The following PP2D1 variants were observed in gnomAD, a reference collection of about 807,000 sequenced individuals.
PP2D1 encodes protein phosphatase 2C like domain containing 1, also known as protein phosphatase 2C-like domain-containing protein 1.
A neutral mutation model predicts 30.2 loss-of-function variants in PP2D1; 25 were observed. That is an observed-to-expected ratio of 0.83 (90% CI 0.60 to 1.16). The LOEUF (loss-of-function observed/expected upper bound fraction) is 1.16. PP2D1 is among the 50% of genes most tolerant of loss of function. The pLI, the probability that PP2D1 is intolerant of heterozygous loss-of-function variation, is 0.00. For missense variants in PP2D1, 760 were observed against 742.4 expected, an observed-to-expected ratio of 1.02 and a Z score of -0.28; for synonymous variants, 260 against 258.9, an observed-to-expected ratio of 1.00 and a Z score of -0.04.
Position 20,010,092 on chromosome 3 carries a change from A to C in PP2D1, c.23+1958T>G, listed in dbSNP as rs1012428950. 2.6e-5 allele frequency among the ~76,000 whole-genome samples: 4 copies of C among 151,744 alleles called. No homozygotes were observed. The South Asian group carries it at 8.3e-4, about 32-fold the overall frequency. ...TTTCATCTATATCCCCATCCACCTT[A>C]TTTTATGTTATTTTATTTTATTTGA... On this transcript the variant is annotated intron_variant, in intron 1 of 2. Transcript: ENST00000389050.
downstream of PP2D1, chr3:19,985,147 A>G (rs1697008817): frequency 4.7e-6 from 2 of 429,510 alleles, no homozygotes; most frequent in African/African-American, 4.1e-5. Flanking sequence ...TGAGGTGCTC[A>G]GGTTGGAATA....
intron 2 of PP2D1, among the ~76,000 whole-genome samples, chr3:19,995,570 C>T (rs1213348163): frequency 1.3e-5 from 2 of 152,160 alleles, no homozygotes; most frequent in African/African-American, 2.4e-5. Flanking sequence ...TAACTTGTTA[C>T]AGCAGCCTTA....
At chr3:19,983,680 T>C (rs1323635862), downstream of PP2D1, 1 of 1,394,998 alleles carries the variant, frequency 7.2e-7, no homozygotes, top group Admixed American at 1.8e-5. Flanking sequence ...TATTCAAATA[T>C]TCTATTTATT....
chr3:19,997,342 C>T (rs1697193591), intron 2 of PP2D1, among the ~76,000 whole-genome samples: 1 of 151,770 alleles, frequency 6.6e-6, no homozygotes. Context: ...TAAAATTCAA[C>T]ATCTCTTCAT....
chr3:19,983,842 C>T, downstream of PP2D1: 1 of 1,462,444 alleles, frequency 6.8e-7, no homozygotes. Context: ...TTTGAACTAG[C>T]TGGAATAGTC....
chr3:20,010,879 A>C (rs1344671006), intron 1 of PP2D1, among the ~76,000 whole-genome samples: 1 of 152,200 alleles, frequency 6.6e-6, no homozygotes, highest in East Asian at 1.9e-4. Flanking sequence ...CAAGGTGCTG[A>C]GATGCACAGA....
chr3:19,992,862 T>G (rs1004665577), intron 2 of PP2D1, among the ~76,000 whole-genome samples: 4 of 152,082 alleles, frequency 2.6e-5, no homozygotes, highest in Non-Finnish European at 5.9e-5. Flanking sequence ...GGGCTTCAGG[T>G]GGCCACCAAT....
downstream of PP2D1, among the ~76,000 whole-genome samples, chr3:19,980,546 A>G (rs1183075760): frequency 6.6e-6 from 1 of 152,032 alleles, no homozygotes; most frequent in Non-Finnish European, 1.5e-5. Context: ...TGCAAGGACT[A>G]AAAAGTTACT....
At position 20,001,934 on chromosome 3, in the gene PP2D1, G is replaced by T; in HGVS notation, c.186C>A (p.Thr62=). ...GCTTGCATATGGAACAGGGTAATGT[G>T]GTCCCTTGCTCATAGACCTGCTCCT... The part of the protein sequence containing the change: ...HEEEQVYEQG[T]TLPCSICKHE... The change falls in exon 2 of 3, where the codon ACC becomes ACA. Residue 62 remains threonine, a synonymous_variant. Coordinates refer to ENST00000389050, the MANE Select transcript of PP2D1 (RefSeq NM_001252657.2). 6.5e-7 allele frequency: 1 copy of T among 1,536,358 alleles called. No homozygotes were observed. The highest frequency in any genetic ancestry group is 8.7e-7 in the Non-Finnish European group (1 of 1,146,960).
At chr3:19,989,896 G>A (rs1697094329) in intron 2 of PP2D1, among the ~76,000 whole-genome samples, 1 of 152,130 alleles carries the variant, frequency 6.6e-6, no homozygotes, top group South Asian at 2.1e-4. Flanking sequence ...GATTTGAAAA[G>A]AATTTAATAG....
At position 20,012,059 on chromosome 3, in the gene PP2D1, T is replaced by C. The variant is rs1418671731; in HGVS notation, c.14A>G (p.Asn5Ser). ...ATTTAAGAAAGTTTACCTTAAAGCA[T>C]TATTGGTGCTCATGTTCCTTTGGAA... The part of the protein sequence containing the change: MSTN[N>S]ALRVFWKSRE... Residue 5 changes from asparagine to serine, a missense_variant, in exon 1 of 3, where the codon AAT becomes AGT. Around this residue, in one of 3 missense-constraint regions of PP2D1, gnomAD observed 374 missense variants for 388.8 expected, o/e 0.96. Coordinates refer to ENST00000389050, the MANE Select transcript of PP2D1 (RefSeq NM_001252657.2). The C allele has an allele frequency of 3.9e-6, 6 of 1,531,968 alleles. No individual in the cohort carries two copies. In the South Asian group the frequency reaches 4.8e-5, roughly 12 times the overall value. 94.9% of individuals were successfully genotyped at this position (1,531,968 alleles called of 1,614,324 possible).
In PP2D1 at chr3:20,001,354, T is replaced by C; in HGVS notation, c.766A>G (p.Arg256Gly). The change falls in exon 2 of 3, where the codon AGA (arginine) becomes GGA (glycine). Residue 256 changes from arginine (R) to glycine (G), a missense_variant. Arg to Gly is a moderately radical substitution (Grantham distance 125). Around this residue, in one of 3 missense-constraint regions of PP2D1, gnomAD observed 374 missense variants for 388.8 expected, o/e 0.96. Transcript: ENST00000389050. Reference sequence around the variant, plus strand: ...TCTTCTATTGCTGCGTATTCTTCTCTAAACACAGTGTAAAAGGAATTGATT... The same window carrying C: ...TCTTCTATTGCTGCGTATTCTTCTCCAAACACAGTGTAAAAGGAATTGATT... ...QIINSFYTVF[R>G]EEYAAIEDLF... 1 of 1,536,184 alleles carries C rather than the reference T, an allele frequency of 6.5e-7. No individual in the cohort carries two copies.
chr3:20,002,079 C>G lies in PP2D1; in HGVS notation c.41G>C (p.Arg14Thr). 1 of 1,531,536 alleles carries G rather than the reference C, an allele frequency of 6.5e-7. No homozygotes were observed. Among genetic ancestry groups the G allele is most frequent in the Non-Finnish European group, 8.7e-7 (1 of 1,143,076 alleles). The allele number at this position is 1,531,536 out of a possible 1,614,324, so 94.9% of individuals were successfully genotyped here. A position where few individuals can be genotyped will look rare whatever the true frequency, so the allele number is the denominator to read the frequency against. The change falls in exon 2 of 3, where the codon AGA becomes ACA. Residue 14 changes from arginine to threonine, a missense_variant. Physicochemically the swap from Arg to Thr is moderately conservative, Grantham distance 71. Around this residue, in one of 3 missense-constraint regions of PP2D1, gnomAD observed 374 missense variants for 388.8 expected, o/e 0.96. Coordinates refer to ENST00000389050, the MANE Select transcript of PP2D1 (RefSeq NM_001252657.2). ...TGTTGATGTTTTCATATTCCATTCT[C>G]TTGATTTCCAAAACACTCTGCAAAC... ...NNALRVFWKSREWNMKTSTFD... is the reference protein window; with the variant it reads ...NNALRVFWKSTEWNMKTSTFD...
At chr3:20,000,883 ATTTG>A (rs1697241674) in intron 2 of PP2D1, 143 bp downstream of exon 2, 1 of 413,088 alleles carries the variant, frequency 2.4e-6, no homozygotes, top group Non-Finnish European at 4.2e-6. Context: ...AATTGTGGTT[ATTTG>A]TTGTTTCTTA....
chr3:20,005,142 C>CAT (rs747328069), intron 1 of PP2D1, among the ~76,000 whole-genome samples: 5 of 125,796 alleles, frequency 4.0e-5, no homozygotes, highest in African/African-American at 8.6e-5. Context: ...TTTATATATA[C>CAT]ATTTTTTTTT....
At chr3:19,981,170 T>C (rs1052103642), downstream of PP2D1, among the ~76,000 whole-genome samples, 2 of 152,202 alleles carry the variant, frequency 1.3e-5, no homozygotes, top group Admixed American at 6.5e-5. Context: ...AAGGATCTTA[T>C]GTATTAAAAC....
chr3:19,982,005 G>A (rs117053266), downstream of PP2D1, among the ~76,000 whole-genome samples: 434 of 152,126 alleles, frequency 2.9e-3, 22 homozygotes, highest in East Asian at 0.075. Context: ...TACTTTGAGA[G>A]GCCACGGTGG....
chr3:19,999,317 A>G (rs546691552), intron 2 of PP2D1, among the ~76,000 whole-genome samples: 233 of 152,038 alleles, frequency 1.5e-3, no homozygotes, highest in Non-Finnish European at 2.9e-3. Flanking sequence ...TGACCTCGTG[A>G]TCCACCCGCC....
At chr3:19,985,132 T>TA (rs779398602), downstream of PP2D1, 2 of 380,780 alleles carry the variant, frequency 5.3e-6, no homozygotes, top group Non-Finnish European at 9.3e-6. Flanking sequence ...TGTTTAGTTT[T>TA]ATATTGAGGT....
Sources: gnomAD v4.1 joint callset for allele counts (sites outside exome capture counted in the v4.1 genomes callset) on GRCh38, gnomAD v4.1.1 for gene constraint, gnomAD v4.1.1 regional missense constraint, MANE v1.5 for transcripts, NCBI Gene and HGNC (gene_info 2026-07-23, HGNC 2026-07-21) for gene names.